The following SCN1A variants were observed in gnomAD, a reference collection of about 807,000 sequenced individuals.
SCN1A encodes the protein sodium voltage-gated channel alpha subunit 1, also known as sodium channel protein type 1 subunit alpha.
A neutral mutation model predicts 193.7 loss-of-function variants in SCN1A; 13 were observed. The observed-to-expected ratio is 0.07, with a 90% CI of 0.04 to 0.11. The LOEUF is 0.11. SCN1A is among the 10% of genes least tolerant of loss of function. The probability of loss-of-function intolerance (pLI) is 1.00; values close to 1 mark genes in which losing one functional copy is unlikely to be tolerated. For missense variants in SCN1A, 1,432 were observed against 2,451.1 expected, an observed-to-expected ratio of 0.58 and a Z score of 8.78; for synonymous variants, 781 against 843.6, an observed-to-expected ratio of 0.93 and a Z score of 1.29.
At chr2:166,050,237 C>G (rs1467900594) in intron 9 of SCN1A, among the ~76,000 whole-genome samples, 1 of 151,684 alleles carries the variant, frequency 6.6e-6, no homozygotes, top group African/African-American at 2.4e-5. Flanking sequence ...CAGCCTTAAC[C>G]TGAGGAAAAT....
intron 2 of SCN1A, among the ~76,000 whole-genome samples, chr2:166,097,277 C>T (rs1687497475): frequency 6.6e-6 from 1 of 151,788 alleles, no homozygotes; most frequent in Non-Finnish European, 1.5e-5. Context: ...CCGCCTTGGC[C>T]TTCCAATGTT....
chr2:166,073,511 G>A lies in SCN1A; in HGVS notation c.111C>T (p.Pro37=). Residue 37 remains proline (P), a synonymous_variant, in exon 4 of 29, where the codon CCC becomes CCT. Transcript: ENST00000674923. ...RRIAEEKAKN[P]KPDKKDDDEN... is the part of the protein sequence containing the mutation. ...CGTCGTCATCTTTTTTGTCTGGTTTGGGATTCTTTGCCTTTTCTTCTGCAA... is the reference window on the plus strand; with the variant it reads ...CGTCGTCATCTTTTTTGTCTGGTTTAGGATTCTTTGCCTTTTCTTCTGCAA... The A allele has an allele frequency of 6.2e-7, 1 of 1,614,100 alleles. No homozygotes were observed. The highest frequency in any genetic ancestry group is 8.5e-7 in the Non-Finnish European group (1 of 1,180,008).
chr2:166,117,614 G>A (rs983150047), intron 2 of SCN1A, among the ~76,000 whole-genome samples: 1 of 152,180 alleles, frequency 6.6e-6, no homozygotes, highest in East Asian at 1.9e-4. Flanking sequence ...TATGAAAATA[G>A]TTTGGACCTG....
At chr2:166,087,035 T>C (rs191467549) in intron 2 of SCN1A, among the ~76,000 whole-genome samples, 18 of 152,222 alleles carry the variant, frequency 1.2e-4, no homozygotes, top group Admixed American at 3.3e-4. Context: ...TGAAATTTGA[T>C]TCCTAATGTT....
rs191458420 is a variant in SCN1A at position 165,988,261 on chromosome 2, G to C, written c.*2984C>G. ...AAAGTTAGCAAGATTAAGACCCCAA[G>C]CTGAAGCAAGGCACATCTTTGCTTC... On this transcript the variant is annotated 3_prime_UTR_variant, in exon 29 of 29. Transcript: ENST00000674923. 7 of 152,050 alleles carry C rather than the reference G, an allele frequency of 4.6e-5. No homozygotes were observed. The highest frequency in any genetic ancestry group is 1.7e-4 in the African/African-American group (7 of 41,406). The allele number at this position is 152,050 out of a possible 1,614,324, so 9.4% of individuals were successfully genotyped here.
At position 166,058,703 on chromosome 2, in the gene SCN1A, C is replaced by A; in HGVS notation, c.265-15G>T. On this transcript the variant is annotated splice_polypyrimidine_tract_variant and intron_variant, in intron 4 of 28. Coordinates refer to ENST00000674923, the MANE Select transcript of SCN1A (RefSeq NM_001165963.4). ...ACTATAAAAGTCTGTAAGACAGGAA[C>A]ACAACATAGAAGTATGAAAGTATAA... 7.3e-7 allele frequency: 1 copy of A among 1,366,364 alleles called. No individual in the cohort carries two copies. 84.6% of individuals were successfully genotyped at this position (1,366,364 alleles called of 1,614,324 possible). A position where few individuals can be genotyped will look rare whatever the true frequency, so the allele number is the denominator to read the frequency against.
chr2:166,081,244 T>C (rs1685488871), intron 2 of SCN1A, among the ~76,000 whole-genome samples: 1 of 151,988 alleles, frequency 6.6e-6, no homozygotes, highest in Admixed American at 6.6e-5. Context: ...GGGCATCTGC[T>C]TTTCTCCAGT....
intron 25 of SCN1A, chr2:165,999,018 A>G (rs886407822): frequency 6.6e-6 from 1 of 151,566 alleles, no homozygotes; most frequent in Non-Finnish European, 1.5e-5. Flanking sequence ...GAGAATAGAA[A>G]GATGAAGGTT....
At chr2:166,045,463 C>T in intron 12 of SCN1A, 136 bp from the exon 13 acceptor site, 2 of 1,023,422 alleles carry the variant, frequency 2.0e-6, no homozygotes, top group Non-Finnish European at 2.9e-6. Flanking sequence ...AGATTCTCTG[C>T]AAGTATAAGA....
intron 21 of SCN1A, among the ~76,000 whole-genome samples, chr2:166,013,511 G>A (rs941629456): frequency 4.6e-5 from 7 of 151,000 alleles, no homozygotes; most frequent in African/African-American, 1.7e-4. Context: ...ACACTTTCTG[G>A]GCTATTTAAT....
Position 165,988,686 on chromosome 2 carries a change from G to C in SCN1A, c.*2559C>G, listed in dbSNP as rs1688758750. On this transcript the variant is annotated 3_prime_UTR_variant, in exon 29 of 29. Coordinates refer to ENST00000674923, the MANE Select transcript of SCN1A (RefSeq NM_001165963.4). The stretch of plus-strand genomic sequence containing the variant: ...ACCAATTGGGAGCTCAAAGGTAGGA[G>C]AGCCCATTTTTGCAATGTGTAGAAG... The C allele has an allele frequency of 1.3e-5, 2 of 152,184 alleles. No homozygotes were observed. Among genetic ancestry groups the C allele is most frequent in the African/African-American group, 2.4e-5 (1 of 41,438 alleles). 9.4% of individuals were successfully genotyped at this position (152,184 alleles called of 1,614,324 possible).
intron 2 of SCN1A, among the ~76,000 whole-genome samples, chr2:166,102,624 T>A (rs892223187): frequency 1.3e-5 from 2 of 151,776 alleles, no homozygotes; most frequent in African/African-American, 4.8e-5. Context: ...TCAGCCACTG[T>A]GGAAGGCAGT....
chr2:166,038,731 A>C (rs887587699), intron 17 of SCN1A, among the ~76,000 whole-genome samples: 1 of 152,342 alleles, frequency 6.6e-6, no homozygotes, highest in African/African-American at 2.4e-5. Context: ...TAATATTAAC[A>C]TCTGAATCTG....
At chr2:166,042,199 G>A in intron 15 of SCN1A, 93 bp downstream of exon 15, 1 of 1,224,822 alleles carries the variant, frequency 8.2e-7, no homozygotes, top group Non-Finnish European at 1.2e-6. Context: ...TCATTAGAAT[G>A]CACTATTCCC....
rs1699351837 is a variant in SCN1A, at chr2:166,058,583, T to A, written c.370A>T (p.Ile124Phe). 1 of 1,593,916 alleles carries A rather than the reference T, an allele frequency of 6.3e-7. No individual in the cohort carries two copies. The highest frequency in any genetic ancestry group is 1.3e-5 in the African/African-American group (1 of 74,396). The change falls in exon 5 of 29, where the codon ATT becomes TTT. Residue 124 changes from isoleucine (I) to phenylalanine (F), a missense_variant. Transcript: ENST00000674923. ...GAAAAAGGATATGAATGTACCAAAA[T>A]CTTAATAGCTATTTTCCTAAGAGGA... Reference protein sequence around the residue: ...FNPLRKIAIKILVHSLFSMLI... With the variant: ...FNPLRKIAIKFLVHSLFSMLI...
In SCN1A at chr2:165,991,154, T is replaced by C; in HGVS notation, c.*91A>G. 1 of 1,180,880 alleles carries C rather than the reference T, an allele frequency of 8.5e-7. No homozygotes were observed. 73.2% of individuals were successfully genotyped at this position (1,180,880 alleles called of 1,614,324 possible). On this transcript the variant is annotated 3_prime_UTR_variant, in exon 29 of 29. Transcript: ENST00000674923. Reference sequence around the variant, plus strand: ...TTGTGTAAAAACAGTCAGTTTGGCATTGACCTCCTAAAGGAGTCCTGTTGA... The same window carrying C: ...TTGTGTAAAAACAGTCAGTTTGGCACTGACCTCCTAAAGGAGTCCTGTTGA...
chr2:166,040,596 A>G (rs1697048271), intron 16 of SCN1A, among the ~76,000 whole-genome samples: 1 of 152,210 alleles, frequency 6.6e-6, no homozygotes, highest in Non-Finnish European at 1.5e-5. Context: ...TCCTTCAGCA[A>G]ATAAAAGCTA....
At chr2:166,030,097 T>C (rs930326306) in intron 19 of SCN1A, among the ~76,000 whole-genome samples, 7 of 152,262 alleles carry the variant, frequency 4.6e-5, no homozygotes, top group Admixed American at 2.0e-4. Context: ...CTTCAACAAA[T>C]AGTATTATTT....
intron 2 of SCN1A, among the ~76,000 whole-genome samples, chr2:166,118,271 T>C (rs985302536): frequency 1.3e-5 from 2 of 149,902 alleles, no homozygotes; most frequent in African/African-American, 4.9e-5. Context: ...CCTATTTTCT[T>C]TTTCTTTGCT....
Sources: allele counts gnomAD v4.1 joint callset (sites outside exome capture counted in the v4.1 genomes callset), GRCh38; gene constraint gnomAD v4.1.1; transcripts MANE v1.5; gene names NCBI Gene and HGNC (gene_info 2026-07-23, HGNC 2026-07-21).